Variants in CHCHD3 observed in about 807,000 individuals in gnomAD.
CHCHD3 encodes MICOS complex subunit MIC19.
Under a neutral mutation model 38.2 loss-of-function variants are expected in CHCHD3, and 20 were observed. The ratio of observed to expected loss-of-function variants is 0.52; its 90% confidence interval spans 0.37 to 0.76. The LOEUF (loss-of-function observed/expected upper bound fraction) is 0.76, where lower values mean the gene tolerates loss of function less well. CHCHD3 is among the 30% of genes least tolerant of loss of function. The pLI is 0.00. For synonymous variants in CHCHD3, 82 were observed against 100.0 expected (o/e 0.82, Z 1.07); for missense variants, 245 against 279.2 (o/e 0.88, Z 0.87).
At chr7:132,900,603 T>C (rs1196620878) in intron 4 of CHCHD3, among the ~76,000 whole-genome samples, 2 of 152,240 alleles carry the variant, frequency 1.3e-5, no homozygotes, top group African/African-American at 4.8e-5. Flanking sequence ...CTAGCAGTGC[T>C]GGACTCAAAA....
At chr7:133,047,032 T>C (rs1814011814) in intron 2 of CHCHD3, among the ~76,000 whole-genome samples, 2 of 152,198 alleles carry the variant, frequency 1.3e-5, no homozygotes, top group Admixed American at 1.3e-4. Context: ...AGTAAATCAC[T>C]TAATCTCTCA....
At chr7:133,039,498 GA>G (rs1813770694) in intron 2 of CHCHD3, among the ~76,000 whole-genome samples, 1 of 152,074 alleles carries the variant, frequency 6.6e-6, no homozygotes, top group South Asian at 2.1e-4. Flanking sequence ...ATCCAAACAG[GA>G]ATTCAGACAG....
At chr7:132,957,723 A>C (rs1349421244) in intron 4 of CHCHD3, among the ~76,000 whole-genome samples, 1 of 152,020 alleles carries the variant, frequency 6.6e-6, no homozygotes. Flanking sequence ...CAGGTGATCC[A>C]CCCACCTCAG....
intron 4 of CHCHD3, among the ~76,000 whole-genome samples, chr7:132,954,783 C>T (rs544261916): frequency 5.5e-4 from 83 of 152,202 alleles, no homozygotes; most frequent in Middle Eastern, 3.4e-3. Context: ...TGTATGCACT[C>T]GACGTCCCTC....
At chr7:132,837,517 T>A (rs1013090276) in intron 6 of CHCHD3, among the ~76,000 whole-genome samples, 6 of 152,194 alleles carry the variant, frequency 3.9e-5, no homozygotes, top group East Asian at 1.9e-4. Context: ...TTTTAAAAAA[T>A]TTTATTTTAA....
At chr7:132,789,979 A>T (rs1238196543) in intron 7 of CHCHD3, among the ~76,000 whole-genome samples, 2 of 152,250 alleles carry the variant, frequency 1.3e-5, no homozygotes, top group Non-Finnish European at 2.9e-5. Context: ...TGCATAAGAC[A>T]GGAAGGAAAA....
intron 3 of CHCHD3, among the ~76,000 whole-genome samples, chr7:133,022,846 T>TGAA (rs1227771089): frequency 3.1e-5 from 3 of 96,008 alleles, no homozygotes; most frequent in Non-Finnish European, 6.2e-5. Flanking sequence ...AGCTGAATAA[T>TGAA]GAAGAAGAAG....
At chr7:132,845,651 TTTTTACTC>T (rs1808059153) in intron 5 of CHCHD3, among the ~76,000 whole-genome samples, 1 of 152,190 alleles carries the variant, frequency 6.6e-6, no homozygotes, top group African/African-American at 2.4e-5. Flanking sequence ...AAGGCCTTGC[TTTTTACTC>T]TATATGTGAA....
chr7:132,913,772 T>C (rs530739818), intron 4 of CHCHD3, among the ~76,000 whole-genome samples: 1 of 152,154 alleles, frequency 6.6e-6, no homozygotes, highest in East Asian at 1.9e-4. Context: ...AAAGAAAGGC[T>C]TTTAAGATAG....
In CHCHD3 at chr7:132,938,241, T is replaced by C. The variant is rs1482920817; in HGVS notation, c.369+36928A>G. Among the ~76,000 whole-genome samples, 5 of 152,282 alleles carry C rather than the reference T, an allele frequency of 3.3e-5. No individual in the cohort carries two copies. In the East Asian group the frequency reaches 9.7e-4, roughly 29 times the overall value. On this transcript the variant is annotated intron_variant, in intron 4 of 7. Transcript: ENST00000262570. ...GCTCAAAATCATGTTGTGTGGTACATATTGTAGCTATGAATCATACCCTAT... is the reference window on the plus strand; with the variant it reads ...GCTCAAAATCATGTTGTGTGGTACACATTGTAGCTATGAATCATACCCTAT...
intron 6 of CHCHD3, chr7:132,813,603 A>G (rs1209095661): frequency 6.6e-6 from 1 of 152,158 alleles, no homozygotes; most frequent in Non-Finnish European, 1.5e-5. Flanking sequence ...ATACACATTT[A>G]TTGTTAATAT....
At chr7:132,918,718 C>A (rs992795905) in intron 4 of CHCHD3, among the ~76,000 whole-genome samples, 1 of 152,172 alleles carries the variant, frequency 6.6e-6, no homozygotes, top group African/African-American at 2.4e-5. Context: ...TTGCCTATAC[C>A]TAATTCAAGA....
intron 4 of CHCHD3, among the ~76,000 whole-genome samples, chr7:132,934,093 T>C (rs1483072482): frequency 6.6e-6 from 1 of 152,196 alleles, no homozygotes; most frequent in South Asian, 2.1e-4. Flanking sequence ...ACTCTCCTTC[T>C]CTACAGCAGC....
intron 4 of CHCHD3, among the ~76,000 whole-genome samples, chr7:132,901,936 T>C (rs1809680855): frequency 6.6e-6 from 1 of 152,226 alleles, no homozygotes; most frequent in Non-Finnish European, 1.5e-5. Flanking sequence ...TCTAGGGTTT[T>C]TTCTTCTAGG....
chr7:132,798,091 G>A (rs187542977), intron 6 of CHCHD3, among the ~76,000 whole-genome samples: 1 of 152,148 alleles, frequency 6.6e-6, no homozygotes, highest in Admixed American at 6.5e-5. Flanking sequence ...CCTGGGTGAT[G>A]ATTTGTCTCA....
At chr7:132,806,131 G>A (rs1806914544) in intron 6 of CHCHD3, among the ~76,000 whole-genome samples, 1 of 152,194 alleles carries the variant, frequency 6.6e-6, no homozygotes, top group Non-Finnish European at 1.5e-5. Flanking sequence ...TGACCGTGGA[G>A]AGAACTGGTG....
At chr7:133,063,738 C>T (rs1814588773) in intron 2 of CHCHD3, among the ~76,000 whole-genome samples, 1 of 152,160 alleles carries the variant, frequency 6.6e-6, no homozygotes, top group Non-Finnish European at 1.5e-5. Flanking sequence ...GAAGGCACAA[C>T]TAATGTAACT....
chr7:133,026,512 A>G lies in CHCHD3; in HGVS notation c.170-1885T>C, dbSNP rs143902707. On this transcript the variant is annotated intron_variant, in intron 2 of 7. Coordinates refer to ENST00000262570, the MANE Select transcript of CHCHD3 (RefSeq NM_017812.4). ...GTTACCATATAACCCAGCAATTCTA[A>G]TTTTAGGTACTATATATACTCAAGA... is the stretch of plus-strand genomic sequence containing the variant. Among the ~76,000 whole-genome samples, 4 of 152,350 alleles carry G rather than the reference A, an allele frequency of 2.6e-5. No individual in the cohort carries two copies. The East Asian group carries it at 7.7e-4, about 29-fold the overall frequency.
Position 132,850,340 on chromosome 7 carries a change from CTCTT to C in CHCHD3, c.454-11875_454-11872del, listed in dbSNP as rs554467102. 6.1e-4 allele frequency among the ~76,000 whole-genome samples: 93 copies of C among 152,080 alleles called. 2 individuals carry two copies. The East Asian group carries it at 0.015, about 24-fold the overall frequency. On this transcript the variant is annotated intron_variant, in intron 5 of 7. Coordinates refer to ENST00000262570, the MANE Select transcript of CHCHD3 (RefSeq NM_017812.4). ...TAATTACCCTTTCGTTCCATCTTTACTCTTTCTTATATAAAGAAACAGAGCTATT... is the reference window on the plus strand; with the variant it reads ...TAATTACCCTTTCGTTCCATCTTTACTCTTATATAAAGAAACAGAGCTATT...
Sources: gnomAD v4.1 joint callset for allele counts (sites outside exome capture counted in the v4.1 genomes callset) on GRCh38, gnomAD v4.1.1 for gene constraint, MANE v1.5 for transcripts, NCBI Gene and HGNC (gene_info 2026-07-23, HGNC 2026-07-21) for gene names.